Variants in KIF26B observed in about 807,000 individuals in gnomAD.
The protein encoded by KIF26B is kinesin family member 26B, also known as kinesin-like protein KIF26B.
KIF26B carries 63 observed loss-of-function variants against 151.2 expected under a neutral mutation model. That is an observed-to-expected ratio of 0.42 (90% CI 0.34 to 0.51). The LOEUF is 0.51. Ranked by LOEUF, KIF26B falls within the 20% of genes least tolerant of loss-of-function variation. The pLI, the probability that KIF26B is intolerant of heterozygous loss-of-function variation, is 0.07. For missense variants in KIF26B, 2,813 were observed against 2,913.6 expected, an observed-to-expected ratio of 0.97 and a Z score of 0.79; for synonymous variants, 1,357 against 1,262.1, an observed-to-expected ratio of 1.08 and a Z score of -1.59.
rs113821120 is a variant in KIF26B, at chr1:245,268,662, A to G, written c.466-98172A>G. Among the ~76,000 whole-genome samples, 607 of 152,248 alleles carry G rather than the reference A, an allele frequency of 4.0e-3. 4 individuals carry two copies. The highest frequency in any genetic ancestry group is 0.014 in the African/African-American group (573 of 41,548). On this transcript the variant is annotated intron_variant, in intron 2 of 14. Coordinates refer to ENST00000407071, the MANE Select transcript of KIF26B (RefSeq NM_018012.4). ...ATACAAGTCAGCACACAGGAAGCAG[A>G]GCCCGGGAGGATTAGACCTGACATT...
At chr1:245,288,185 T>C (rs561638957) in intron 2 of KIF26B, among the ~76,000 whole-genome samples, 1 of 152,330 alleles carries the variant, frequency 6.6e-6, no homozygotes, top group East Asian at 1.9e-4. Context: ...ATCTCCCACC[T>C]GAGGCCATCA....
chr1:245,511,239 C>A, intron 4 of KIF26B: 1 of 669,898 alleles, frequency 1.5e-6, no homozygotes. Context: ...AAATAAAATG[C>A]ATAAACCATT....
chr1:245,366,216 T>C (rs1016815309), intron 2 of KIF26B, among the ~76,000 whole-genome samples: 1 of 152,174 alleles, frequency 6.6e-6, no homozygotes, highest in Non-Finnish European at 1.5e-5. Flanking sequence ...GGGATGGCTA[T>C]AATTCTTCAG....
At chr1:245,527,799 A>C (rs1264196159) in intron 4 of KIF26B, among the ~76,000 whole-genome samples, 1 of 151,802 alleles carries the variant, frequency 6.6e-6, no homozygotes, top group Non-Finnish European at 1.5e-5. Flanking sequence ...TCCGAAAGTG[A>C]TGGGATTACA....
At chr1:245,538,253 C>T (rs546023453) in intron 4 of KIF26B, among the ~76,000 whole-genome samples, 1 of 152,196 alleles carries the variant, frequency 6.6e-6, no homozygotes, top group East Asian at 1.9e-4. Flanking sequence ...AAGGAGAGGG[C>T]CTGCAGAAGG....
chr1:245,330,812 C>CGGGGGAGAGTT (rs1162985157), intron 2 of KIF26B, among the ~76,000 whole-genome samples: 3 of 8,560 alleles, frequency 3.5e-4, no homozygotes, highest in African/African-American at 1.6e-3. Flanking sequence ...GGGGGAGAGT[C>CGGGGGAGAGTT]GGGGGAGAGT....
chr1:245,674,747 C>T (rs549577173), intron 10 of KIF26B, among the ~76,000 whole-genome samples: 31 of 152,260 alleles, frequency 2.0e-4, no homozygotes, highest in African/African-American at 7.5e-4. Context: ...TGAGTTACTG[C>T]AAAGAAAGGG....
At chr1:245,678,653 G>C (rs2044386457) in intron 10 of KIF26B, among the ~76,000 whole-genome samples, 1 of 152,090 alleles carries the variant, frequency 6.6e-6, no homozygotes, top group Admixed American at 6.5e-5. Context: ...CACGAGGTCA[G>C]GAGATTGAGA....
chr1:245,608,191 G>A (rs1198292632), intron 7 of KIF26B, among the ~76,000 whole-genome samples: 1 of 152,176 alleles, frequency 6.6e-6, no homozygotes, highest in Non-Finnish European at 1.5e-5. Context: ...AGAAAGCAGT[G>A]CACACCGTCG....
rs563251 is a variant in KIF26B at position 245,375,656 on chromosome 1, T to A, written c.999+8289T>A. On this transcript the variant is annotated intron_variant, in intron 3 of 14. Coordinates refer to ENST00000407071, the MANE Select transcript of KIF26B (RefSeq NM_018012.4). The surrounding 1 kb of genome is among the most constrained non-coding windows in gnomAD (Gnocchi z 4.2). ...TCCAGAACTTTAAGAGGGTAAGTTTTTGTTGTTTGAAGCTGCTAAATGTGT... is the reference window on the plus strand; with the variant it reads ...TCCAGAACTTTAAGAGGGTAAGTTTATGTTGTTTGAAGCTGCTAAATGTGT... Among the ~76,000 whole-genome samples the A allele has an allele frequency of 0.69, 104,906 of 152,014 alleles. 36,942 individuals are homozygous for A. The highest frequency in any genetic ancestry group is 0.84 in the African/African-American group (35,022 of 41,486).
At chr1:245,464,733 G>T (rs1466763381) in intron 4 of KIF26B, among the ~76,000 whole-genome samples, 1 of 152,072 alleles carries the variant, frequency 6.6e-6, no homozygotes, top group African/African-American at 2.4e-5. Flanking sequence ...TTTTTGACTG[G>T]ACTGAGGTTG....
rs565454877 is a variant in KIF26B at position 245,639,948 on chromosome 1, A to G, written c.2099-6173A>G. On this transcript the variant is annotated intron_variant, in intron 9 of 14. Transcript: ENST00000407071. ...TGTGTATTTTGTAGCAGTTGGATCA[A>G]ATGTTCTGTGAATATCTGTTAGGTC... Among the ~76,000 whole-genome samples the G allele has an allele frequency of 6.6e-5, 10 of 151,266 alleles. 1 individual carries two copies. The South Asian group carries it at 2.1e-3, about 32-fold the overall frequency.
At chr1:245,296,142 A>T (rs1046057666) in intron 2 of KIF26B, among the ~76,000 whole-genome samples, 2 of 150,908 alleles carry the variant, frequency 1.3e-5, no homozygotes, top group African/African-American at 4.9e-5. Flanking sequence ...TGGGGAAGGA[A>T]GTTTTAGGGT....
intron 3 of KIF26B, among the ~76,000 whole-genome samples, chr1:245,397,066 C>T (rs1471856277): frequency 2.0e-5 from 3 of 151,696 alleles, no homozygotes; most frequent in African/African-American, 7.3e-5. Context: ...CTCAAGCAAT[C>T]CTCACACCAC....
chr1:245,692,316 C>T (rs1157149527), intron 12 of KIF26B, among the ~76,000 whole-genome samples: 1 of 152,162 alleles, frequency 6.6e-6, no homozygotes, highest in Non-Finnish European at 1.5e-5. Flanking sequence ...GAATAGAGAA[C>T]AGTGAACTGA....
chr1:245,191,403 A>G (rs910800250), intron 2 of KIF26B, among the ~76,000 whole-genome samples: 1 of 150,028 alleles, frequency 6.7e-6, no homozygotes, highest in Non-Finnish European at 1.5e-5. Flanking sequence ...TAAACCCAGG[A>G]GACAGAGGGT....
chr1:245,518,096 T>A (rs2103088111), intron 4 of KIF26B, among the ~76,000 whole-genome samples: 1 of 152,234 alleles, frequency 6.6e-6, no homozygotes, highest in African/African-American at 2.4e-5. Context: ...GGTCTTGAAC[T>A]CCTGACCTTG....
chr1:245,310,669 G>A (rs1456898475), intron 2 of KIF26B, among the ~76,000 whole-genome samples: 1 of 152,204 alleles, frequency 6.6e-6, no homozygotes, highest in African/African-American at 2.4e-5. Context: ...TTTGCTCTCT[G>A]AAGGCAGGAA....
At chr1:245,413,231 C>T (rs1674330257) in intron 3 of KIF26B, among the ~76,000 whole-genome samples, 1 of 152,186 alleles carries the variant, frequency 6.6e-6, no homozygotes, top group South Asian at 2.1e-4. Context: ...TTTCCACTAG[C>T]ACTGTAGGGT....
Sources: allele counts gnomAD v4.1 joint callset (sites outside exome capture counted in the v4.1 genomes callset), GRCh38; gene constraint gnomAD v4.1.1; non-coding constraint Gnocchi (gnomAD v3.1); transcripts MANE v1.5; gene names NCBI Gene and HGNC (gene_info 2026-07-23, HGNC 2026-07-21).